The following GRIN2B variants were observed in gnomAD, a reference collection of about 807,000 sequenced individuals.
The protein encoded by GRIN2B is glutamate receptor ionotropic, NMDA 2B.
A neutral mutation model predicts 114.5 loss-of-function variants in GRIN2B; 5 were observed. That is an observed-to-expected ratio of 0.04 (90% confidence interval 0.02 to 0.09). GRIN2B has a LOEUF of 0.09. GRIN2B is among the 10% of genes least tolerant of loss of function. GRIN2B has a pLI of 1.00. For missense variants in GRIN2B, 1,108 were observed against 1,943.5 expected (o/e 0.57, Z 8.08); for synonymous variants, 787 against 745.1 (o/e 1.06, Z -0.92).
intron 10 of GRIN2B, among the ~76,000 whole-genome samples, chr12:13,602,794 G>T (rs1266645957): frequency 1.3e-5 from 2 of 152,192 alleles, no homozygotes; most frequent in East Asian, 3.8e-4. Flanking sequence ...TGCAGGCAAA[G>T]ATAGCTACCC....
intron 3 of GRIN2B, among the ~76,000 whole-genome samples, chr12:13,817,326 G>A (rs965281644): frequency 2.7e-5 from 4 of 146,322 alleles, no homozygotes; most frequent in African/African-American, 9.7e-5. Flanking sequence ...CTGGAGCAAC[G>A]CCCACTGACT....
At chr12:13,832,947 T>C (rs74592369) in intron 3 of GRIN2B, among the ~76,000 whole-genome samples, 2,970 of 152,252 alleles carry the variant, frequency 0.02, 95 homozygotes, top group African/African-American at 0.067. Context: ...CAACACTATA[T>C]ATTTTAATTA....
intron 4 of GRIN2B, among the ~76,000 whole-genome samples, chr12:13,735,582 G>C (rs969246063): frequency 6.6e-6 from 1 of 152,200 alleles, no homozygotes; most frequent in African/African-American, 2.4e-5. Context: ...CTGCTCTCCT[G>C]TCATGATGCT....
chr12:13,816,123 C>T lies in GRIN2B; in HGVS notation c.411+49675G>A, dbSNP rs143749156. On this transcript the variant is annotated intron_variant, in intron 3 of 13. Transcript: ENST00000609686. ...GTCCACATGTGTGAAAAACAGCACA[C>T]GTGGACAAGTCATATGAAGGGTGAG... Among the ~76,000 whole-genome samples the T allele has an allele frequency of 9.2e-5, 14 of 152,226 alleles. No individual in the cohort carries two copies. The East Asian group carries it at 1.4e-3, about 15-fold the overall frequency.
In GRIN2B at chr12:13,793,280, G is replaced by T. The variant is rs76563299; in HGVS notation, c.412-39365C>A. Among the ~76,000 whole-genome samples, 506 of 152,272 alleles carry T rather than the reference G, an allele frequency of 3.3e-3. 6 individuals are homozygous for T. The highest frequency in any genetic ancestry group is 0.012 in the African/African-American group (480 of 41,558). On this transcript the variant is annotated intron_variant, in intron 3 of 13. Coordinates refer to ENST00000609686, the MANE Select transcript of GRIN2B (RefSeq NM_000834.5). ...TACTAAAGATCCAAAAATTAGCCAG[G>T]AGTGGTGGTGCATACCTATAGTCCC...
chr12:13,731,384 G>A (rs1398835650), intron 4 of GRIN2B, among the ~76,000 whole-genome samples: 1 of 152,116 alleles, frequency 6.6e-6, no homozygotes, highest in Non-Finnish European at 1.5e-5. Context: ...TGGATCATAA[G>A]GTCAGGAGAT....
intron 10 of GRIN2B, among the ~76,000 whole-genome samples, chr12:13,575,854 A>G (rs74065137): frequency 2.0e-5 from 3 of 152,054 alleles, no homozygotes; most frequent in Non-Finnish European, 2.9e-5. Flanking sequence ...CTTTTCTGGA[A>G]GTATTATTTT....
At chr12:13,848,068 T>C (rs1003112190) in intron 3 of GRIN2B, among the ~76,000 whole-genome samples, 1 of 152,128 alleles carries the variant, frequency 6.6e-6, no homozygotes, top group African/African-American at 2.4e-5. Context: ...CTTCAGGGTT[T>C]CTGTTTGCAG....
intron 3 of GRIN2B, among the ~76,000 whole-genome samples, chr12:13,817,783 T>C (rs1158984995): frequency 1.3e-5 from 2 of 152,194 alleles, no homozygotes; most frequent in Admixed American, 1.3e-4. Context: ...CAGGAATGGT[T>C]CTTCTGGGTC....
At chr12:13,829,238 T>C (rs1451491697) in intron 3 of GRIN2B, among the ~76,000 whole-genome samples, 1 of 152,206 alleles carries the variant, frequency 6.6e-6, no homozygotes, top group Admixed American at 6.5e-5. Context: ...ATTACTACTG[T>C]CTAAAATAAT....
intron 3 of GRIN2B, among the ~76,000 whole-genome samples, chr12:13,766,815 T>G (rs1159777775): frequency 6.6e-6 from 1 of 152,210 alleles, no homozygotes; most frequent in Non-Finnish European, 1.5e-5. Context: ...CTCAGTGTAT[T>G]TGATTTCTTT....
chr12:13,660,863 A>T (rs554060956), intron 5 of GRIN2B, among the ~76,000 whole-genome samples: 1 of 152,088 alleles, frequency 6.6e-6, no homozygotes, highest in South Asian at 2.1e-4. Flanking sequence ...TTCTGCTTTG[A>T]CAACTTCAAC....
chr12:13,872,120 G>A (rs948845299), intron 2 of GRIN2B, among the ~76,000 whole-genome samples: 2 of 151,790 alleles, frequency 1.3e-5, no homozygotes, highest in Non-Finnish European at 1.5e-5. Context: ...AGAAAAAGAC[G>A]GAAAGCTTGA....
intron 3 of GRIN2B, among the ~76,000 whole-genome samples, chr12:13,825,967 A>G (rs1865027889): frequency 6.6e-6 from 1 of 151,920 alleles, no homozygotes; most frequent in African/African-American, 2.4e-5. Context: ...TATTATTAAT[A>G]TGTTTGGCTC....
At chr12:13,936,839 GA>G (rs1403373164) in intron 2 of GRIN2B, among the ~76,000 whole-genome samples, 3 of 148,174 alleles carry the variant, frequency 2.0e-5, no homozygotes, top group African/African-American at 7.5e-5. Context: ...TGGAAAAGCA[GA>G]AAATTACAAA....
intron 3 of GRIN2B, among the ~76,000 whole-genome samples, chr12:13,839,870 A>G (rs1348123154): frequency 6.6e-6 from 1 of 152,240 alleles, no homozygotes; most frequent in South Asian, 2.1e-4. Flanking sequence ...GATTTTATTG[A>G]ACGGTCCAGT....
chr12:13,922,620 G>A (rs908074284), intron 2 of GRIN2B, among the ~76,000 whole-genome samples: 1 of 152,176 alleles, frequency 6.6e-6, no homozygotes, highest in Non-Finnish European at 1.5e-5. Flanking sequence ...GGGAGCCTGT[G>A]GCACCCGTGG....
intron 3 of GRIN2B, among the ~76,000 whole-genome samples, chr12:13,854,834 C>A (rs760333900): frequency 6.6e-6 from 1 of 152,078 alleles, no homozygotes; most frequent in African/African-American, 2.4e-5. Context: ...CCAAATAACT[C>A]TCATAGACCC....
At chr12:13,891,678 CA>C (rs1866265109) in intron 2 of GRIN2B, among the ~76,000 whole-genome samples, 1 of 152,064 alleles carries the variant, frequency 6.6e-6, no homozygotes, top group South Asian at 2.1e-4. Context: ...ATGGTGCTGG[CA>C]AAAGGTGTCA....
Sources: gnomAD v4.1 joint callset for allele counts (sites outside exome capture counted in the v4.1 genomes callset) on GRCh38, gnomAD v4.1.1 for gene constraint, MANE v1.5 for transcripts, NCBI Gene and HGNC (gene_info 2026-07-23, HGNC 2026-07-21) for gene names.